The following KHDRBS2 variants were observed in gnomAD, a reference collection of about 807,000 sequenced individuals.
The protein encoded by KHDRBS2 is KH domain-containing, RNA-binding, signal transduction-associated protein 2.
A neutral mutation model predicts 44.3 loss-of-function variants in KHDRBS2; 26 were observed. The observed-to-expected ratio is 0.59, with a 90% CI of 0.43 to 0.81. The LOEUF (loss-of-function observed/expected upper bound fraction) is 0.81, where lower values mean the gene tolerates loss of function less well. KHDRBS2 is among the 40% of genes least tolerant of loss of function. KHDRBS2 has a pLI of 0.00. For missense variants in KHDRBS2, 476 were observed against 433.1 expected (o/e 1.10, Z -0.88); for synonymous variants, 194 against 151.1 (o/e 1.28, Z -2.08).
chr6:61,924,364 A>C (rs1808586170), intron 4 of KHDRBS2, among the ~76,000 whole-genome samples: 1 of 152,108 alleles, frequency 6.6e-6, no homozygotes, highest in African/African-American at 2.4e-5. Flanking sequence ...GGGGGGATGG[A>C]GAGATTCATT....
intron 6 of KHDRBS2, among the ~76,000 whole-genome samples, chr6:61,805,297 A>G (rs1316741722): frequency 1.3e-5 from 2 of 152,110 alleles, no homozygotes; most frequent in Admixed American, 1.3e-4. Context: ...CAAGTTCCTC[A>G]TCTCCATCTG....
chr6:61,851,720 C>A (rs1219099708), intron 6 of KHDRBS2, among the ~76,000 whole-genome samples: 1 of 152,056 alleles, frequency 6.6e-6, no homozygotes, highest in Non-Finnish European at 1.5e-5. Context: ...TTTATAGCAC[C>A]CATTCTATAG....
At chr6:62,134,508 C>T (rs1441880200) in intron 2 of KHDRBS2, among the ~76,000 whole-genome samples, 1 of 152,300 alleles carries the variant, frequency 6.6e-6, no homozygotes, top group East Asian at 1.9e-4. Flanking sequence ...GGTCCCCACA[C>T]AGAGTCCCCA....
chr6:62,004,552 C>T lies in KHDRBS2; in HGVS notation c.337-26340G>A, dbSNP rs573584445. 9.2e-5 allele frequency among the ~76,000 whole-genome samples: 14 copies of T among 152,130 alleles called. No individual in the cohort carries two copies. In the East Asian group the frequency reaches 9.7e-4, roughly 11 times the overall value. ...CAACCAAAAAAACTCCATGACCAGA[C>T]GGATTCACAGCCGAATTCTACCAGA... On this transcript the variant is annotated intron_variant, in intron 3 of 8. Coordinates refer to ENST00000281156, the MANE Select transcript of KHDRBS2 (RefSeq NM_152688.4).
the KHDRBS2 span, among the ~76,000 whole-genome samples, chr6:61,663,587 C>T: frequency 7.9e-6 from 1 of 127,062 alleles, no homozygotes; most frequent in Non-Finnish European, 1.6e-5. Flanking sequence ...TTCTGACTAC[C>T]GCTGACCATT....
rs573861656 is a variant in KHDRBS2, at chr6:61,990,851, A to G, written c.337-12639T>C. Among the ~76,000 whole-genome samples, 6 of 152,184 alleles carry G rather than the reference A, an allele frequency of 3.9e-5. No individual in the cohort carries two copies. The South Asian group carries it at 1.2e-3, about 32-fold the overall frequency. On this transcript the variant is annotated intron_variant, in intron 3 of 8. Coordinates refer to ENST00000281156, the MANE Select transcript of KHDRBS2 (RefSeq NM_152688.4). Reference sequence around the variant, plus strand: ...CAACCTCCTGGGTAGCTGGGACTACAGGCACGCACCACCATGCCCAGTTAA... The same window carrying G: ...CAACCTCCTGGGTAGCTGGGACTACGGGCACGCACCACCATGCCCAGTTAA...
At chr6:61,732,534 T>G (rs2127560729) in intron 7 of KHDRBS2, 148 bp downstream of exon 7, 2 of 612,822 alleles carry the variant, frequency 3.3e-6, no homozygotes, top group East Asian at 5.5e-5. Context: ...ACTCTCACAG[T>G]CTGGTAAGCA....
At chr6:61,922,574 A>G (rs1321508304) in intron 4 of KHDRBS2, among the ~76,000 whole-genome samples, 1 of 152,074 alleles carries the variant, frequency 6.6e-6, no homozygotes, top group Non-Finnish European at 1.5e-5. Context: ...GACTAGAAGG[A>G]ACAGTTCACT....
At chr6:62,021,864 C>CT (rs1412400223) in intron 3 of KHDRBS2, among the ~76,000 whole-genome samples, 1 of 150,784 alleles carries the variant, frequency 6.6e-6, no homozygotes, top group Non-Finnish European at 1.5e-5. Context: ...AATTTGATGT[C>CT]TTTTTTCAAA....
chr6:61,771,511 G>A (rs979711172), intron 6 of KHDRBS2, among the ~76,000 whole-genome samples: 105 of 151,656 alleles, frequency 6.9e-4, no homozygotes, highest in African/African-American at 2.5e-3. Context: ...GCAAATGGAA[G>A]ACAAAAAAAG....
intron 6 of KHDRBS2, among the ~76,000 whole-genome samples, chr6:61,876,165 C>A (rs1274540571): frequency 6.6e-6 from 1 of 152,048 alleles, no homozygotes; most frequent in Non-Finnish European, 1.5e-5. Flanking sequence ...GTTGTTCCCT[C>A]TATGCCTTAC....
intron 1 of KHDRBS2, among the ~76,000 whole-genome samples, chr6:62,267,682 T>TA (rs1171287160): frequency 2.6e-5 from 4 of 152,040 alleles, no homozygotes; most frequent in Middle Eastern, 3.2e-3. Context: ...AGACTAATGA[T>TA]AAATGTGGAA....
At chr6:61,857,728 C>T (rs1583196762) in intron 6 of KHDRBS2, among the ~76,000 whole-genome samples, 2 of 152,062 alleles carry the variant, frequency 1.3e-5, no homozygotes, top group Non-Finnish European at 1.5e-5. Flanking sequence ...ATCTCATAAA[C>T]CTCAAGCAGG....
At chr6:61,664,848 G>A in the KHDRBS2 span, among the ~76,000 whole-genome samples, 1 of 151,664 alleles carries the variant, frequency 6.6e-6, no homozygotes, top group South Asian at 2.1e-4. Flanking sequence ...GATTAGTTTA[G>A]CACTATAGTT....
chr6:61,633,380 C>T, the KHDRBS2 span, among the ~76,000 whole-genome samples: 4 of 152,160 alleles, frequency 2.6e-5, no homozygotes, highest in South Asian at 6.2e-4. Context: ...AGACCCTTTA[C>T]ACACTGTGAG....
rs73489416 is a variant in KHDRBS2, at chr6:61,923,473, A to C, written c.484-22102T>G. Among the ~76,000 whole-genome samples, 1,495 of 152,252 alleles carry C rather than the reference A, an allele frequency of 9.8e-3. 26 individuals are homozygous for C. The highest frequency in any genetic ancestry group is 0.035 in the African/African-American group (1,436 of 41,562). ...AAATAATACTTTGTCTATTAAAGAT[A>C]TGTAAGGCCGTATGGGCTTTATCCC... On this transcript the variant is annotated intron_variant, in intron 4 of 8. Coordinates refer to ENST00000281156, the MANE Select transcript of KHDRBS2 (RefSeq NM_152688.4).
At chr6:61,942,103 A>G (rs2127376497) in intron 4 of KHDRBS2, among the ~76,000 whole-genome samples, 1 of 128,012 alleles carries the variant, frequency 7.8e-6, no homozygotes, top group East Asian at 2.8e-4. Flanking sequence ...TAGGACTATA[A>G]GCACACCACA....
At chr6:61,708,038 G>C (rs537784323) in intron 7 of KHDRBS2, among the ~76,000 whole-genome samples, 87 of 151,688 alleles carry the variant, frequency 5.7e-4, no homozygotes, top group Middle Eastern at 3.4e-3. Context: ...ATTTTAGACA[G>C]TTAATTTTTC....
the KHDRBS2 span, among the ~76,000 whole-genome samples, chr6:61,577,866 C>T: frequency 1.2e-3 from 187 of 152,164 alleles, 1 homozygote; most frequent in African/African-American, 4.1e-3. Context: ...ATTTTAGTTA[C>T]GGAATGAGAG....
Sources: gnomAD v4.1 joint callset for allele counts (sites outside exome capture counted in the v4.1 genomes callset) on GRCh38, gnomAD v4.1.1 for gene constraint, MANE v1.5 for transcripts, NCBI Gene and HGNC (gene_info 2026-07-23, HGNC 2026-07-21) for gene names.